The following FRAS1 variants were observed in gnomAD, a reference collection of about 807,000 sequenced individuals.
FRAS1 encodes Fraser extracellular matrix complex subunit 1.
In FRAS1, 290 loss-of-function variants were observed where a neutral mutation model predicts 435.2. The observed-to-expected ratio is 0.67, with a 90% CI of 0.61 to 0.73. FRAS1 has a LOEUF of 0.73. Ranked by LOEUF, FRAS1 falls within the 30% of genes least tolerant of loss-of-function variation. FRAS1 has a pLI of 0.00. For missense variants in FRAS1, 4,860 were observed against 5,001.5 expected, an observed-to-expected ratio of 0.97 and a Z score of 0.85; for synonymous variants, 1,800 against 1,851.0, an observed-to-expected ratio of 0.97 and a Z score of 0.71.
At chr4:78,280,002 T>G (rs1453914451) in intron 10 of FRAS1, among the ~76,000 whole-genome samples, 2 of 152,214 alleles carry the variant, frequency 1.3e-5, no homozygotes, top group African/African-American at 4.8e-5. Flanking sequence ...ACACTGTGGC[T>G]GTAACTTTCA....
chr4:78,098,191 A>T (rs887399104), intron 2 of FRAS1, among the ~76,000 whole-genome samples: 10 of 151,346 alleles, frequency 6.6e-5, no homozygotes, highest in Admixed American at 4.6e-4. Context: ...CTTTTTCCCC[A>T]TGTCTCTCCT....
rs1729112585 is a variant in FRAS1, at chr4:78,313,417, T to A, written c.1679-2177T>A. ...TGTTCTCAAAATATTTTTCAGGAGGTTAGCAGGGTGTAGATGGATTAAGGG... is the reference window on the plus strand; with the variant it reads ...TGTTCTCAAAATATTTTTCAGGAGGATAGCAGGGTGTAGATGGATTAAGGG... On this transcript the variant is annotated intron_variant, in intron 15 of 73. Transcript: ENST00000512123. Among the ~76,000 whole-genome samples, 3 of 152,304 alleles carry A rather than the reference T, an allele frequency of 2.0e-5. No homozygotes were observed. The South Asian group carries it at 6.2e-4, about 32-fold the overall frequency.
intron 2 of FRAS1, among the ~76,000 whole-genome samples, chr4:78,199,773 G>A (rs1004889270): frequency 2.0e-5 from 3 of 152,258 alleles, no homozygotes; most frequent in Non-Finnish European, 2.9e-5. Context: ...ATGATGGGCC[G>A]TGTGTAACCA....
In FRAS1 at chr4:78,337,653, TGG is replaced by T; in HGVS notation, c.2279-20_2279-19del. On this transcript the variant is annotated intron_variant, in intron 19 of 73. Transcript: ENST00000512123. ...CATGCTGAGCTGCTAATTCCAATCC[TGG>T]TTTTCGTCCCCCTGCCAGAGTGTCA... 6.2e-7 allele frequency: 1 copy of T among 1,607,466 alleles called. No homozygotes were observed.
In FRAS1 at chr4:78,255,248, G is replaced by A. The variant is rs1028974997; in HGVS notation, c.476G>A (p.Cys159Tyr). 1.9e-6 allele frequency: 3 copies of A among 1,552,076 alleles called. No individual in the cohort carries two copies. The highest frequency in any genetic ancestry group is 8.7e-7 in the Non-Finnish European group (1 of 1,147,100). ...TGTTTCTTTGACCTTCCAGAACCCT[G>A]TTCCTATGAAGGCCATGTGTTTCAG... is the stretch of plus-strand genomic sequence containing the variant. Reference protein sequence around the residue: ...CPVCVGLGKPCSYEGHVFQDG... With the variant: ...CPVCVGLGKPYSYEGHVFQDG... Residue 159 changes from cysteine (C) to tyrosine (Y), a missense_variant, in exon 6 of 74, where the codon TGT (cysteine) becomes TAT (tyrosine). Cys to Tyr is a radical substitution (Grantham distance 194). Coordinates refer to ENST00000512123, the MANE Select transcript of FRAS1 (RefSeq NM_025074.7).
At chr4:78,094,662 T>C (rs988806553) in intron 2 of FRAS1, among the ~76,000 whole-genome samples, 10 of 152,308 alleles carry the variant, frequency 6.6e-5, no homozygotes, top group Middle Eastern at 3.4e-3. Context: ...AATTATTGTA[T>C]AGTCAATGCT....
At chr4:78,267,503 G>C (rs1435288693) in intron 9 of FRAS1, 71 bp downstream of exon 9, 8 of 1,420,756 alleles carry the variant, frequency 5.6e-6, no homozygotes, top group African/African-American at 4.2e-5. Flanking sequence ...GGTCCTGCCT[G>C]TTCTTTACTT....
At chr4:78,316,328 C>G (rs1729243940) in intron 16 of FRAS1, among the ~76,000 whole-genome samples, 1 of 152,182 alleles carries the variant, frequency 6.6e-6, no homozygotes, top group Non-Finnish European at 1.5e-5. Flanking sequence ...TTCTTGTTGC[C>G]TGGGACATCT....
intron 59 of FRAS1, among the ~76,000 whole-genome samples, chr4:78,489,487 G>A (rs1394006213): frequency 1.3e-5 from 2 of 152,120 alleles, no homozygotes; most frequent in Non-Finnish European, 2.9e-5. Context: ...AGAGAAGGAG[G>A]GAGAGGAGGG....
chr4:78,337,308 TTTGAG>T (rs1730207335), intron 19 of FRAS1, among the ~76,000 whole-genome samples: 2 of 152,310 alleles, frequency 1.3e-5, no homozygotes, highest in Middle Eastern at 6.8e-3. Context: ...CCACTCATTC[TTTGAG>T]TCATGGTATG....
chr4:78,077,078 AT>A (rs537998955), intron 2 of FRAS1, among the ~76,000 whole-genome samples: 141 of 152,336 alleles, frequency 9.3e-4, no homozygotes, highest in Admixed American at 1.6e-3. Context: ...TTGGCCTTGC[AT>A]GGTGCCTCAC....
At chr4:78,058,109 T>C (rs757054268) in intron 1 of FRAS1, 24 bp downstream of exon 1, 3 of 1,587,810 alleles carry the variant, frequency 1.9e-6, no homozygotes, top group South Asian at 1.1e-5. Context: ...GCCGCGTGTG[T>C]GTGTGTGTGT....
At chr4:78,183,506 G>C (rs1722129497) in intron 2 of FRAS1, among the ~76,000 whole-genome samples, 1 of 152,122 alleles carries the variant, frequency 6.6e-6, no homozygotes, top group Admixed American at 6.6e-5. Flanking sequence ...TCCAGAAAAT[G>C]TATTGTATTG....
At chr4:78,224,347 A>T (rs1724180072) in intron 2 of FRAS1, among the ~76,000 whole-genome samples, 1 of 152,242 alleles carries the variant, frequency 6.6e-6, no homozygotes, top group Non-Finnish European at 1.5e-5. Flanking sequence ...TGTTTTATAA[A>T]ACAGTAGTGG....
Position 78,384,156 on chromosome 4 carries a change from GC to G in FRAS1, c.3648+15del. Reference sequence around the variant, plus strand: ...ATTTTCAACACAGGTAATAAAAATGGCCACGTAATTAATAATTTTACATGAC... The same window carrying G: ...ATTTTCAACACAGGTAATAAAAATGGCACGTAATTAATAATTTTACATGAC... On this transcript the variant is annotated intron_variant, in intron 28 of 73. Coordinates refer to ENST00000512123, the MANE Select transcript of FRAS1 (RefSeq NM_025074.7). The G allele has an allele frequency of 6.5e-7, 1 of 1,542,490 alleles. No homozygotes were observed. Among genetic ancestry groups the G allele is most frequent in the Non-Finnish European group, 8.8e-7 (1 of 1,139,138 alleles).
Position 78,481,968 on chromosome 4 carries a change from C to T in FRAS1, c.8604+4C>T, listed in dbSNP as rs755273777. On this transcript the variant is annotated splice_donor_region_variant and intron_variant, in intron 57 of 73. Transcript: ENST00000512123. ...TGGGCCTGGTGTCATTGAACAGGTG[C>T]GTTTACAGCAGTCGAGACTCCACAA... 1.4e-5 allele frequency: 22 copies of T among 1,612,208 alleles called. No individual in the cohort carries two copies. Among genetic ancestry groups the T allele is most frequent in the African/African-American group, 4.0e-5 (3 of 74,774 alleles).
chr4:78,072,795 T>A (rs900231017), intron 2 of FRAS1, among the ~76,000 whole-genome samples: 1 of 99,576 alleles, frequency 1.0e-5, no homozygotes, highest in Admixed American at 1.1e-4. Flanking sequence ...TATTTTGTGA[T>A]AAAAACTTAT....
At chr4:78,459,174 A>T (rs145382868) in intron 47 of FRAS1, among the ~76,000 whole-genome samples, 3 of 152,320 alleles carry the variant, frequency 2.0e-5, no homozygotes, top group South Asian at 2.1e-4. Context: ...AAGGACCCCA[A>T]TGAAATTCTA....
intron 3 of FRAS1, among the ~76,000 whole-genome samples, chr4:78,244,601 G>T (rs1268039794): frequency 6.6e-6 from 1 of 152,160 alleles, no homozygotes; most frequent in African/African-American, 2.4e-5. Context: ...AAATCTTGGG[G>T]TATCAGGTGG....
Sources: allele counts gnomAD v4.1 joint callset (sites outside exome capture counted in the v4.1 genomes callset), GRCh38; gene constraint gnomAD v4.1.1; transcripts MANE v1.5; gene names NCBI Gene and HGNC (gene_info 2026-07-23, HGNC 2026-07-21).